GPC6: variants seen among roughly 807,000 people sequenced by gnomAD.
GPC6 encodes glypican-6.
A neutral mutation model predicts 55.2 loss-of-function variants in GPC6; 14 were observed. That is an observed-to-expected ratio of 0.25 (90% confidence interval 0.17 to 0.40). GPC6 has a LOEUF of 0.40. Ranked by LOEUF, GPC6 falls within the 10% of genes least tolerant of loss-of-function variation. GPC6 has a pLI of 1.00. For missense variants in GPC6, 641 were observed against 708.5 expected (o/e 0.90, Z 1.08); for synonymous variants, 278 against 259.6 (o/e 1.07, Z -0.68).
chr13:93,336,637 A>G (rs996067823), intron 1 of GPC6, among the ~76,000 whole-genome samples: 1 of 152,192 alleles, frequency 6.6e-6, no homozygotes, highest in Admixed American at 6.5e-5. Context: ...CTGTTAGGTA[A>G]CATTGCAGCA....
intron 4 of GPC6, among the ~76,000 whole-genome samples, chr13:94,168,061 A>G (rs1384937153): frequency 1.3e-5 from 2 of 152,226 alleles, no homozygotes; most frequent in Admixed American, 6.5e-5. Context: ...CCTTACAGCA[A>G]CTTGCGAGAT....
intron 1 of GPC6, among the ~76,000 whole-genome samples, chr13:93,539,859 T>C (rs1246449784): frequency 1.3e-5 from 2 of 151,910 alleles, no homozygotes; most frequent in African/African-American, 4.8e-5. Flanking sequence ...TCCCGGCTAA[T>C]TTTGTATTTT....
At chr13:93,492,085 G>A (rs1354748832) in intron 1 of GPC6, among the ~76,000 whole-genome samples, 1 of 144,230 alleles carries the variant, frequency 6.9e-6, no homozygotes, top group Non-Finnish European at 1.5e-5. Context: ...GATGGGGATG[G>A]CATTGAATCT....
intron 1 of GPC6, among the ~76,000 whole-genome samples, chr13:93,536,202 T>C (rs190880514): frequency 1.8e-4 from 28 of 152,274 alleles, no homozygotes; most frequent in African/African-American, 6.7e-4. Context: ...AAATTCACTT[T>C]TTCAATTTTT....
chr13:93,779,691 C>T (rs1158284079), intron 2 of GPC6, among the ~76,000 whole-genome samples: 15 of 152,236 alleles, frequency 9.9e-5, no homozygotes, highest in Admixed American at 9.2e-4. Flanking sequence ...CCAGTTATCA[C>T]TGTCTCTTTT....
chr13:93,863,724 T>C (rs939874668), intron 3 of GPC6, among the ~76,000 whole-genome samples: 2 of 151,684 alleles, frequency 1.3e-5, no homozygotes. Flanking sequence ...CTGGTATTTA[T>C]GACCTACAGT....
chr13:94,199,373 G>T (rs1313371204), intron 4 of GPC6, among the ~76,000 whole-genome samples: 1 of 152,130 alleles, frequency 6.6e-6, no homozygotes, highest in Non-Finnish European at 1.5e-5. Flanking sequence ...CTACATCCTG[G>T]AATTGTATGG....
chr13:94,375,474 T>C (rs1338733321), intron 6 of GPC6, among the ~76,000 whole-genome samples: 1 of 152,042 alleles, frequency 6.6e-6, no homozygotes, highest in South Asian at 2.1e-4. Context: ...CCTTGACACA[T>C]ACACTCTCCC....
intron 2 of GPC6, among the ~76,000 whole-genome samples, chr13:93,635,579 T>G (rs1169112418): frequency 6.6e-6 from 1 of 152,196 alleles, no homozygotes; most frequent in Non-Finnish European, 1.5e-5. Context: ...GTGTGAGTTG[T>G]AGTTCAAATA....
chr13:93,674,952 T>C (rs1881527206), intron 2 of GPC6, among the ~76,000 whole-genome samples: 1 of 152,180 alleles, frequency 6.6e-6, no homozygotes, highest in African/African-American at 2.4e-5. Flanking sequence ...AAAGGTGTTG[T>C]TTTGTTCTTC....
chr13:94,285,673 A>G (rs1892508248), intron 4 of GPC6, among the ~76,000 whole-genome samples: 1 of 152,188 alleles, frequency 6.6e-6, no homozygotes, highest in Admixed American at 6.5e-5. Context: ...TTCAACAGAA[A>G]ACTAAATCTT....
intron 3 of GPC6, among the ~76,000 whole-genome samples, chr13:93,867,719 C>T (rs1396880291): frequency 6.6e-6 from 1 of 151,742 alleles, no homozygotes; most frequent in African/African-American, 2.4e-5. Flanking sequence ...AGATGATTAA[C>T]TCTGAGTCCT....
At chr13:94,269,126 G>T (rs1029501451) in intron 4 of GPC6, among the ~76,000 whole-genome samples, 7 of 152,110 alleles carry the variant, frequency 4.6e-5, no homozygotes, top group Non-Finnish European at 1.0e-4. Flanking sequence ...CTTCCTGCAG[G>T]TACATAGGAA....
At chr13:93,929,617 T>C (rs1460912137) in intron 3 of GPC6, among the ~76,000 whole-genome samples, 1 of 152,142 alleles carries the variant, frequency 6.6e-6, no homozygotes, top group Admixed American at 6.5e-5. Flanking sequence ...GTACAGAAAT[T>C]ACAATGGGAA....
chr13:93,263,977 G>A (rs1877239688), intron 1 of GPC6, among the ~76,000 whole-genome samples: 2 of 152,140 alleles, frequency 1.3e-5, no homozygotes, highest in African/African-American at 4.8e-5. Context: ...CACACCTCCA[G>A]GGGCCTGTTT....
At chr13:93,498,292 T>A (rs527473407) in intron 1 of GPC6, among the ~76,000 whole-genome samples, 1 of 152,334 alleles carries the variant, frequency 6.6e-6, no homozygotes, top group South Asian at 2.1e-4. Flanking sequence ...GCTGCTTTTG[T>A]CCCTGCCATT....
At chr13:94,176,104 A>G (rs1323563491) in intron 4 of GPC6, among the ~76,000 whole-genome samples, 2 of 151,994 alleles carry the variant, frequency 1.3e-5, no homozygotes, top group Non-Finnish European at 2.9e-5. Context: ...CTCCTTATAT[A>G]TATTGCACGT....
At chr13:93,898,828 C>G (rs1594569867) in intron 3 of GPC6, among the ~76,000 whole-genome samples, 1 of 151,384 alleles carries the variant, frequency 6.6e-6, no homozygotes, top group South Asian at 2.1e-4. Context: ...AGGTGAGCCC[C>G]AGGAAGAGCA....
intron 2 of GPC6, among the ~76,000 whole-genome samples, chr13:93,613,089 C>T (rs1878556339): frequency 6.6e-6 from 1 of 152,142 alleles, no homozygotes. Flanking sequence ...TAATGGCTTT[C>T]AAAGGAGCTG....
Sources: allele counts gnomAD v4.1 joint callset (sites outside exome capture counted in the v4.1 genomes callset), GRCh38; gene constraint gnomAD v4.1.1; transcripts MANE v1.5; gene names NCBI Gene and HGNC (gene_info 2026-07-23, HGNC 2026-07-21).